The following LINGO2 variants were observed in gnomAD, a reference collection of about 807,000 sequenced individuals.
The protein encoded by LINGO2 is leucine rich repeat and Ig domain containing 2.
A neutral mutation model predicts 30.6 loss-of-function variants in LINGO2; 14 were observed. The observed-to-expected ratio is 0.46, with a 90% confidence interval of 0.30 to 0.72. LINGO2 has a LOEUF of 0.72. Among genes scored for constraint, LINGO2 ranks in the 30% least tolerant of loss-of-function variants. The pLI, the probability that LINGO2 is intolerant of heterozygous loss-of-function variation, is 0.07. For missense variants in LINGO2, 729 were observed against 751.7 expected, an observed-to-expected ratio of 0.97 and a Z score of 0.35; for synonymous variants, 317 against 288.5, an observed-to-expected ratio of 1.10 and a Z score of -1.00.
At chr9:28,781,640 A>G in the LINGO2 span, among the ~76,000 whole-genome samples, 1 of 152,150 alleles carries the variant, frequency 6.6e-6, no homozygotes, top group African/African-American at 2.4e-5. Flanking sequence ...TTGGCATCAT[A>G]TAGTTACAAG....
At chr9:28,579,900 G>C (rs981419321) in intron 1 of LINGO2, among the ~76,000 whole-genome samples, 2 of 152,122 alleles carry the variant, frequency 1.3e-5, no homozygotes, top group African/African-American at 4.8e-5. Context: ...CTTAGCTAGA[G>C]AGGGAAGCAC....
At chr9:27,981,467 G>A (rs535632496) in intron 5 of LINGO2, among the ~76,000 whole-genome samples, 1 of 142,582 alleles carries the variant, frequency 7.0e-6, no homozygotes, top group African/African-American at 2.6e-5. Flanking sequence ...GTGGCAGAAT[G>A]AGGGTTATTT....
At chr9:28,790,504 A>ATT in the LINGO2 span, among the ~76,000 whole-genome samples, 20 of 140,936 alleles carry the variant, frequency 1.4e-4, no homozygotes, top group South Asian at 4.5e-4. Context: ...AATTTTTTGT[A>ATT]TTTTTTTTTT....
the LINGO2 span, among the ~76,000 whole-genome samples, chr9:28,884,612 G>C: frequency 6.6e-6 from 1 of 150,558 alleles, no homozygotes; most frequent in Non-Finnish European, 1.5e-5. Context: ...TAAGTTGACT[G>C]TGTTTAAAAG....
chr9:28,947,645 T>A, the LINGO2 span, among the ~76,000 whole-genome samples: 2 of 149,370 alleles, frequency 1.3e-5, no homozygotes, highest in African/African-American at 4.9e-5. Flanking sequence ...AATTCCATAT[T>A]TTTTATGTCA....
At chr9:28,784,258 C>T in the LINGO2 span, among the ~76,000 whole-genome samples, 1 of 152,086 alleles carries the variant, frequency 6.6e-6, no homozygotes, top group Non-Finnish European at 1.5e-5. Context: ...TTTATGTACA[C>T]AGTAATGTGT....
At chr9:28,256,743 A>G (rs1489918400) in intron 4 of LINGO2, among the ~76,000 whole-genome samples, 3 of 151,932 alleles carry the variant, frequency 2.0e-5, no homozygotes, top group Non-Finnish European at 4.4e-5. Flanking sequence ...AAGTAAAAGA[A>G]TCTTCATTGT....
the LINGO2 span, among the ~76,000 whole-genome samples, chr9:29,001,164 T>C: frequency 5.3e-5 from 8 of 151,956 alleles, no homozygotes; most frequent in East Asian, 1.9e-4. Flanking sequence ...CTCTGGATCA[T>C]AGTCAAAAAA....
intron 2 of LINGO2, among the ~76,000 whole-genome samples, chr9:28,396,111 G>A (rs909874087): frequency 6.6e-6 from 1 of 152,158 alleles, no homozygotes; most frequent in Admixed American, 6.5e-5. Context: ...TCATTTCTGA[G>A]ACTCCATTTC....
the LINGO2 span, among the ~76,000 whole-genome samples, chr9:28,832,124 T>A: frequency 6.6e-6 from 1 of 152,192 alleles, no homozygotes; most frequent in Non-Finnish European, 1.5e-5. Context: ...TTTAGTGAAT[T>A]TAAATTTGAT....
At chr9:27,982,838 A>G (rs1479497056) in intron 5 of LINGO2, among the ~76,000 whole-genome samples, 1 of 151,818 alleles carries the variant, frequency 6.6e-6, no homozygotes, top group African/African-American at 2.4e-5. Flanking sequence ...GTGGTTAATA[A>G]TATCAACCCT....
At chr9:28,610,744 A>T (rs1825881715) in intron 1 of LINGO2, among the ~76,000 whole-genome samples, 1 of 152,158 alleles carries the variant, frequency 6.6e-6, no homozygotes, top group African/African-American at 2.4e-5. Flanking sequence ...AAAACAGAAC[A>T]AAAAAGCTAA....
At chr9:28,174,919 T>TGA (rs1438795846) in intron 4 of LINGO2, among the ~76,000 whole-genome samples, 175 of 142,480 alleles carry the variant, frequency 1.2e-3, no homozygotes, top group African/African-American at 2.3e-3. Flanking sequence ...TGTGTGTGTG[T>TGA]GTGAGAGAGA....
chr9:28,032,416 T>C (rs143025154), intron 4 of LINGO2, among the ~76,000 whole-genome samples: 28 of 152,034 alleles, frequency 1.8e-4, no homozygotes, highest in African/African-American at 6.5e-4. Flanking sequence ...TTCCTGTCTT[T>C]GTCAACATTA....
At chr9:28,210,871 C>A (rs185280517) in intron 4 of LINGO2, among the ~76,000 whole-genome samples, 7 of 151,446 alleles carry the variant, frequency 4.6e-5, no homozygotes, top group Admixed American at 6.6e-5. Flanking sequence ...ATCACATAAC[C>A]AAGAGAGGAA....
chr9:28,490,686 T>G (rs1826360491), intron 1 of LINGO2, among the ~76,000 whole-genome samples: 1 of 152,226 alleles, frequency 6.6e-6, no homozygotes, highest in Admixed American at 6.5e-5. Flanking sequence ...AACCTATATC[T>G]TAAATATCAA....
chr9:28,846,501 G>C, the LINGO2 span, among the ~76,000 whole-genome samples: 6 of 143,336 alleles, frequency 4.2e-5, 1 homozygote, highest in East Asian at 2.1e-4. Context: ...GATGGAAGTG[G>C]GTGTTAAATA....
the LINGO2 span, among the ~76,000 whole-genome samples, chr9:28,691,704 C>A: frequency 6.6e-6 from 1 of 152,196 alleles, no homozygotes; most frequent in Admixed American, 6.5e-5. Context: ...AAGGTATGTG[C>A]ATATTATTTT....
chr9:28,738,570 T>C, the LINGO2 span, among the ~76,000 whole-genome samples: 1 of 152,052 alleles, frequency 6.6e-6, no homozygotes, highest in African/African-American at 2.4e-5. Context: ...TTTCTGCTTA[T>C]AAAATTTGAC....
Sources: gnomAD v4.1 joint callset for allele counts (sites outside exome capture counted in the v4.1 genomes callset) on GRCh38, gnomAD v4.1.1 for gene constraint, MANE v1.5 for transcripts, NCBI Gene and HGNC (gene_info 2026-07-23, HGNC 2026-07-21) for gene names.